The following PHLDB1 variants were observed in gnomAD, a reference collection of about 807,000 sequenced individuals.
PHLDB1 encodes the protein pleckstrin homology like domain family B member 1.
Under a neutral mutation model 139.3 loss-of-function variants are expected in PHLDB1, and 65 were observed. That is an observed-to-expected ratio of 0.47 (90% confidence interval 0.38 to 0.57). PHLDB1 has a LOEUF of 0.57. PHLDB1 is among the 20% of genes least tolerant of loss of function. PHLDB1 has a pLI of 0.00. For missense variants in PHLDB1, 1,624 were observed against 1,839.7 expected (o/e 0.88, Z 2.14); for synonymous variants, 679 against 734.5 (o/e 0.92, Z 1.22).
intron 9 of PHLDB1, chr11:118,633,328 G>A (rs1565452102): frequency 6.6e-6 from 1 of 152,272 alleles, no homozygotes; most frequent in Non-Finnish European, 1.5e-5. Context: ...TTGGCAGGAG[G>A]GGTATGAGGG....
At chr11:118,635,236 G>T in intron 9 of PHLDB1, 157 bp from the exon 10 acceptor site, 2 of 883,110 alleles carry the variant, frequency 2.3e-6, no homozygotes, top group South Asian at 1.7e-5. Context: ...CCCGCAAAAG[G>T]GCAAGGCCAA....
chr11:118,607,948 G>T (rs1939434663), intron 1 of PHLDB1, among the ~76,000 whole-genome samples: 1 of 152,064 alleles, frequency 6.6e-6, no homozygotes, highest in African/African-American at 2.4e-5. Flanking sequence ...CACCGCCAGA[G>T]GGGGCCGTGA....
At chr11:118,656,340 G>C (rs566221601) in intron 22 of PHLDB1, among the ~76,000 whole-genome samples, 4 of 152,208 alleles carry the variant, frequency 2.6e-5, no homozygotes, top group African/African-American at 9.6e-5. Context: ...CCGCTGTTTT[G>C]CTGAGAGGAA....
At chr11:118,642,784 C>A (rs1555122602) in intron 13 of PHLDB1, among the ~76,000 whole-genome samples, 1 of 152,248 alleles carries the variant, frequency 6.6e-6, no homozygotes, top group Non-Finnish European at 1.5e-5. Flanking sequence ...GCAACTGGAA[C>A]TAGTGTGTCC....
intron 4 of PHLDB1, among the ~76,000 whole-genome samples, chr11:118,618,623 C>CTG (rs1399658537): frequency 6.6e-6 from 1 of 151,988 alleles, no homozygotes; most frequent in Non-Finnish European, 1.5e-5. Context: ...ACCAAAATGT[C>CTG]TGTGTGTGTA....
intron 12 of PHLDB1, chr11:118,641,548 G>T: frequency 1.0e-6 from 1 of 994,040 alleles, no homozygotes; most frequent in Non-Finnish European, 1.3e-6. Context: ...TGTGGGTAGG[G>T]CCATCTCATG....
At chr11:118,635,123 A>C in intron 9 of PHLDB1, 11 of 533,504 alleles carry the variant, frequency 2.1e-5, no homozygotes, top group East Asian at 1.1e-4. Flanking sequence ...GAGCGGTGGG[A>C]CGGGACCACC....
intron 18 of PHLDB1, among the ~76,000 whole-genome samples, chr11:118,648,314 TG>T (rs1947870103): frequency 7.0e-6 from 1 of 143,118 alleles, no homozygotes; most frequent in South Asian, 2.3e-4. Flanking sequence ...TGTGTGTGTG[TG>T]TGTGTGTGTT....
Position 118,644,817 on chromosome 11 carries a change from G to C in PHLDB1, c.3122-539G>C, listed in dbSNP as rs1310418513. 4 of 465,200 alleles carry C rather than the reference G, an allele frequency of 8.6e-6. No homozygotes were observed. The Admixed American group carries it at 9.5e-5, about 11-fold the overall frequency. The allele number at this position is 465,200 out of a possible 1,614,324, so 28.8% of individuals were successfully genotyped here. A position where few individuals can be genotyped will look rare whatever the true frequency, so the allele number is the denominator to read the frequency against. ...GTCCCAGGCTGAGCTGGGTTGGGGT[G>C]TCTGCTGGCCTCACCCCTCCAGCTG... is the stretch of plus-strand genomic sequence containing the variant. On this transcript the variant is annotated intron_variant, in intron 15 of 22. Coordinates refer to ENST00000600882, the MANE Select transcript of PHLDB1 (RefSeq NM_001144758.3).
At chr11:118,655,469 C>T (rs1948910060) in intron 20 of PHLDB1, 136 bp from the exon 21 acceptor site, 1 of 642,448 alleles carries the variant, frequency 1.6e-6, no homozygotes. Context: ...GTATTGGGTT[C>T]TGTTTGGGGG....
chr11:118,628,025 G>A lies in PHLDB1; in HGVS notation c.1202G>A (p.Arg401His), dbSNP rs782543582. Residue 401 changes from arginine (R) to histidine (H), a missense_variant, in exon 6 of 23, where the codon CGC becomes CAC. Arg to His is a conservative substitution (Grantham distance 29). Coordinates refer to ENST00000600882, the MANE Select transcript of PHLDB1 (RefSeq NM_001144758.3). Reference protein sequence around the residue: ...PRNKIGTLQDRPPSPFREPPG... With the variant: ...PRNKIGTLQDHPPSPFREPPG... ...AACAAGATTGGCACACTCCAGGACC[G>A]CCCTCCCAGCCCTTTCCGTGAGCCT... 5 of 1,613,850 alleles carry A rather than the reference G, an allele frequency of 3.1e-6. No homozygotes were observed. The highest frequency in any genetic ancestry group is 2.2e-5 in the South Asian group (2 of 91,076).
chr11:118,608,283 G>A lies in PHLDB1; in HGVS notation c.-22+584G>A, dbSNP rs1555080525. Among the ~76,000 whole-genome samples, 1 of 152,036 alleles carries A rather than the reference G, an allele frequency of 6.6e-6. No individual in the cohort carries two copies. The highest frequency in any genetic ancestry group is 1.5e-5 in the Non-Finnish European group (1 of 67,936). ...TGGGAAGCCCGCCTGGGGCCTCCCA[G>A]GCACTCCCCAAGGCCCCACGTCCTC... On this transcript the variant is annotated intron_variant, in intron 1 of 22. Coordinates refer to ENST00000600882, the MANE Select transcript of PHLDB1 (RefSeq NM_001144758.3). The surrounding 1 kb of genome is among the most constrained non-coding windows in gnomAD (Gnocchi z 6.7).
At chr11:118,614,874 C>T in intron 3 of PHLDB1, 192 bp downstream of exon 3, 1 of 567,942 alleles carries the variant, frequency 1.8e-6, no homozygotes, top group Non-Finnish European at 3.1e-6. Flanking sequence ...GATCTGGTTC[C>T]ACGACTGGGC....
chr11:118,627,464 A>G lies in PHLDB1; in HGVS notation c.641A>G (p.Lys214Arg). 6.2e-7 allele frequency: 1 copy of G among 1,614,190 alleles called. No individual in the cohort carries two copies. The highest frequency in any genetic ancestry group is 1.3e-5 in the African/African-American group (1 of 75,060). Residue 214 changes from lysine (K) to arginine (R), a missense_variant, in exon 6 of 23, where the codon AAG becomes AGG. Lys to Arg is a conservative substitution (Grantham distance 26). Transcript: ENST00000600882. ...LVLEEPGAAG[K>R]KPAATSPLSP... is the part of the protein sequence containing the mutation. ...CTAGAGGAGCCTGGAGCTGCTGGCA[A>G]GAAGCCTGCCGCAACCTCTCCACTG...
At position 118,645,269 on chromosome 11, in the gene PHLDB1, C is replaced by A; in HGVS notation, c.3122-87C>A. The A allele has an allele frequency of 1.9e-6, 2 of 1,031,934 alleles. No homozygotes were observed. Among genetic ancestry groups the A allele is most frequent in the Non-Finnish European group, 2.8e-6 (2 of 721,330 alleles). The allele number at this position is 1,031,934 out of a possible 1,614,324, so 63.9% of individuals were successfully genotyped here. A position where few individuals can be genotyped will look rare whatever the true frequency, so the allele number is the denominator to read the frequency against. On this transcript the variant is annotated intron_variant, in intron 15 of 22. Coordinates refer to ENST00000600882, the MANE Select transcript of PHLDB1 (RefSeq NM_001144758.3). The surrounding 1 kb of genome is among the most constrained non-coding windows in gnomAD (Gnocchi z 5.1). ...CTCTGTGTTAACCTCTCCCTGCTTG[C>A]CCCTCCCTCTGTGTGTTGTGCTGCC... is the stretch of plus-strand genomic sequence containing the variant.
Position 118,608,355 on chromosome 11 carries a change from C to G in PHLDB1, c.-22+656C>G, listed in dbSNP as rs1233895244. Among the ~76,000 whole-genome samples the G allele has an allele frequency of 6.6e-6, 1 of 152,164 alleles. No homozygotes were observed. Among genetic ancestry groups the G allele is most frequent in the African/African-American group, 2.4e-5 (1 of 41,444 alleles). ...GGGCGCCTTGCCACGCCCGCGCGGT[C>G]CCTATTGGAATCCCTAGCGGAGTTC... On this transcript the variant is annotated intron_variant, in intron 1 of 22. Coordinates refer to ENST00000600882, the MANE Select transcript of PHLDB1 (RefSeq NM_001144758.3). This position sits in a 1 kb window ranked among gnomAD's most constrained non-coding sequence, Gnocchi z 6.7.
intron 12 of PHLDB1, chr11:118,640,970 G>A (rs1281507241): frequency 6.6e-6 from 1 of 152,362 alleles, no homozygotes; most frequent in Non-Finnish European, 1.5e-5. Context: ...GCCATCTATG[G>A]GCATAGCAGG....
intron 4 of PHLDB1, among the ~76,000 whole-genome samples, chr11:118,617,120 G>A (rs1565399719): frequency 6.6e-6 from 1 of 152,142 alleles, no homozygotes; most frequent in Admixed American, 6.5e-5. Context: ...GCAGGTAAGC[G>A]GTTGGCCCAG....
In PHLDB1 at chr11:118,650,782, G is replaced by A. The variant is rs1402517299; in HGVS notation, c.3874+235G>A. 2 of 557,494 alleles carry A rather than the reference G, an allele frequency of 3.6e-6. No individual in the cohort carries two copies. Among genetic ancestry groups the A allele is most frequent in the African/African-American group, 3.8e-5 (2 of 52,934 alleles). 34.5% of individuals were successfully genotyped at this position (557,494 alleles called of 1,614,324 possible). Reference sequence around the variant, plus strand: ...TTACTAAGCATCTAGTAAGTTCTAGGCACTGTTCTAGGCTCTGGTGATGAG... The same window carrying A: ...TTACTAAGCATCTAGTAAGTTCTAGACACTGTTCTAGGCTCTGGTGATGAG... On this transcript the variant is annotated intron_variant, in intron 20 of 22. Transcript: ENST00000600882. This position sits in a 1 kb window ranked among gnomAD's most constrained non-coding sequence, Gnocchi z 4.7.
Sources: allele counts gnomAD v4.1 joint callset (sites outside exome capture counted in the v4.1 genomes callset), GRCh38; gene constraint gnomAD v4.1.1; non-coding constraint Gnocchi (gnomAD v3.1); transcripts MANE v1.5; gene names NCBI Gene and HGNC (gene_info 2026-07-23, HGNC 2026-07-21).